APBA1: variants seen among roughly 807,000 people sequenced by gnomAD.
The protein encoded by APBA1 is amyloid-beta A4 precursor protein-binding family A member 1.
In APBA1, 55 loss-of-function variants were observed where a neutral mutation model predicts 86.6. The ratio of observed to expected loss-of-function variants is 0.64; its 90% CI spans 0.51 to 0.80. The LOEUF (loss-of-function observed/expected upper bound fraction) is 0.80. APBA1 is among the 30% of genes least tolerant of loss of function. The pLI is 0.00. For synonymous variants in APBA1, 511 were observed against 493.9 expected (o/e 1.03, Z -0.46); for missense variants, 1,090 against 1,183.0 (o/e 0.92, Z 1.15).
chr9:69,449,449 A>G, intron 10 of APBA1, 135 bp downstream of exon 10: 1 of 796,318 alleles, frequency 1.3e-6, no homozygotes, highest in South Asian at 1.7e-5. Flanking sequence ...GTGCAAGTCC[A>G]CGCCTTTTGT....
intron 1 of APBA1, among the ~76,000 whole-genome samples, chr9:69,594,290 GC>G: frequency 6.6e-6 from 1 of 152,110 alleles, no homozygotes; most frequent in East Asian, 1.9e-4. Flanking sequence ...TTTGGATGGG[GC>G]CCAAGAGTCT....
In APBA1 at chr9:69,427,585, G is replaced by A. The variant is rs1172586542; in HGVS notation, c.*3742C>T. On this transcript the variant is annotated 3_prime_UTR_variant, in exon 13 of 13. Transcript: ENST00000265381. ...CAGCAACTCTTATACAGACATTAGC[G>A]TTCAGTTAAATAAAGGAAGATAGAT... The A allele has an allele frequency of 2.0e-5, 3 of 150,400 alleles. No individual in the cohort carries two copies. The highest frequency in any genetic ancestry group is 3.0e-5 in the Non-Finnish European group (2 of 67,536). 9.3% of individuals were successfully genotyped at this position (150,400 alleles called of 1,614,324 possible).
intron 10 of APBA1, among the ~76,000 whole-genome samples, chr9:69,443,908 T>C (rs1834865524): frequency 6.6e-6 from 1 of 152,146 alleles, no homozygotes; most frequent in South Asian, 2.1e-4. Context: ...TGTCCCCAAA[T>C]TCCAGCCTTG....
chr9:69,550,668 A>G (rs1836769534), intron 1 of APBA1, among the ~76,000 whole-genome samples: 1 of 152,242 alleles, frequency 6.6e-6, no homozygotes, highest in South Asian at 2.1e-4. Context: ...TACCCTGAGG[A>G]GTTTACAATA....
At chr9:69,482,828 C>G (rs1835538120) in intron 2 of APBA1, among the ~76,000 whole-genome samples, 1 of 151,526 alleles carries the variant, frequency 6.6e-6, no homozygotes. Context: ...TTTGTAGGGA[C>G]ATGGATGAAA....
chr9:69,655,475 A>T (rs1426843318), intron 1 of APBA1, among the ~76,000 whole-genome samples: 1 of 152,170 alleles, frequency 6.6e-6, no homozygotes, highest in Non-Finnish European at 1.5e-5. Context: ...AAGAAAGCAA[A>T]TCCATTTACA....
At chr9:69,538,693 C>T (rs1836551975) in intron 1 of APBA1, among the ~76,000 whole-genome samples, 1 of 152,216 alleles carries the variant, frequency 6.6e-6, no homozygotes, top group African/African-American at 2.4e-5. Context: ...GACTCCTGAT[C>T]CAAGACTCTA....
intron 1 of APBA1, among the ~76,000 whole-genome samples, chr9:69,525,161 A>G (rs903718307): frequency 6.6e-6 from 1 of 152,216 alleles, no homozygotes; most frequent in African/African-American, 2.4e-5. Context: ...ATTACCTTTG[A>G]GAACTGGAAC....
intron 2 of APBA1, among the ~76,000 whole-genome samples, chr9:69,510,645 G>A (rs2133881937): frequency 7.0e-6 from 1 of 142,318 alleles, no homozygotes; most frequent in Non-Finnish European, 1.5e-5. Flanking sequence ...CAAAGCTGGA[G>A]GCATCACGCT....
At chr9:69,556,665 A>G (rs1013697405) in intron 1 of APBA1, among the ~76,000 whole-genome samples, 2 of 152,238 alleles carry the variant, frequency 1.3e-5, no homozygotes, top group African/African-American at 2.4e-5. Context: ...TTGTAAAATT[A>G]ACTGTGACAG....
At chr9:69,524,335 T>C (rs1836309515) in intron 1 of APBA1, among the ~76,000 whole-genome samples, 2 of 152,128 alleles carry the variant, frequency 1.3e-5, no homozygotes, top group South Asian at 4.1e-4. Context: ...AATAGACTGC[T>C]ACCTAGGTAA....
intron 1 of APBA1, 66 bp from the exon 2 acceptor site, chr9:69,517,345 G>C (rs1289074700): frequency 7.5e-7 from 1 of 1,325,076 alleles, no homozygotes; most frequent in African/African-American, 1.5e-5. Context: ...TGAGTATTCA[G>C]ATAACCATAA....
chr9:69,670,083 A>C (rs565330270), intron 1 of APBA1, among the ~76,000 whole-genome samples: 2 of 152,252 alleles, frequency 1.3e-5, no homozygotes, highest in Admixed American at 6.5e-5. Context: ...ATTCATTTTT[A>C]TAAATCTATC....
chr9:69,656,861 C>A, intron 1 of APBA1, among the ~76,000 whole-genome samples: 1 of 124,676 alleles, frequency 8.0e-6, no homozygotes, highest in Non-Finnish European at 1.6e-5. Flanking sequence ...TTTTTTGAGA[C>A]GGAGTCTCGC....
intron 11 of APBA1, among the ~76,000 whole-genome samples, chr9:69,440,505 G>A (rs80271222): frequency 2.2e-4 from 34 of 152,126 alleles, no homozygotes; most frequent in Admixed American, 7.2e-4. Context: ...CCCCAGCCTC[G>A]CTGCCACCTT....
chr9:69,439,711 CT>C (rs1834774664), intron 11 of APBA1, among the ~76,000 whole-genome samples: 2 of 152,126 alleles, frequency 1.3e-5, no homozygotes, highest in Non-Finnish European at 2.9e-5. Flanking sequence ...TTTTTCACTT[CT>C]TTGCCATTGG....
chr9:69,610,807 A>G (rs985411489), intron 1 of APBA1, among the ~76,000 whole-genome samples: 1 of 152,228 alleles, frequency 6.6e-6, no homozygotes, highest in Non-Finnish European at 1.5e-5. Context: ...CAGGTTCTCC[A>G]GGACTCCTGC....
rs572166310 is a variant in APBA1 at position 69,503,956 on chromosome 9, C to T, written c.1200+12055G>A. On this transcript the variant is annotated intron_variant, in intron 2 of 12. Coordinates refer to ENST00000265381, the MANE Select transcript of APBA1 (RefSeq NM_001163.4). ...GCTACCATGCAAGAAGAGCAATCCT[C>T]TGGTAGTTTCCTGAGAAAGGGTGCA... Among the ~76,000 whole-genome samples, 171 of 152,222 alleles carry T rather than the reference C, an allele frequency of 1.1e-3. 2 individuals are homozygous for T. Among genetic ancestry groups the T allele is most frequent in the African/African-American group, 3.9e-3 (160 of 41,558 alleles).
At chr9:69,561,217 T>C (rs1035188212) in intron 1 of APBA1, among the ~76,000 whole-genome samples, 2 of 152,188 alleles carry the variant, frequency 1.3e-5, no homozygotes, top group Admixed American at 6.5e-5. Flanking sequence ...AATCAATGCA[T>C]GTGCTTCTTT....
Sources: gnomAD v4.1 joint callset for allele counts (sites outside exome capture counted in the v4.1 genomes callset) on GRCh38, gnomAD v4.1.1 for gene constraint, MANE v1.5 for transcripts, NCBI Gene and HGNC (gene_info 2026-07-23, HGNC 2026-07-21) for gene names.